DNAH11: variants seen among roughly 807,000 people sequenced by gnomAD.
DNAH11 encodes dynein axonemal heavy chain 11, also known as axonemal beta dynein heavy chain 11.
DNAH11 carries 442 observed loss-of-function variants against 526.0 expected under a neutral mutation model. That is an observed-to-expected ratio of 0.84 (90% CI 0.78 to 0.91). DNAH11 has a LOEUF of 0.91. Among genes scored for constraint, DNAH11 ranks in the 40% least tolerant of loss-of-function variants. The pLI, the probability that DNAH11 is intolerant of heterozygous loss-of-function variation, is 0.00. For missense variants in DNAH11, 6,989 were observed against 5,448.7 expected, an observed-to-expected ratio of 1.28 and a Z score of -8.90; for synonymous variants, 2,461 against 1,935.9, an observed-to-expected ratio of 1.27 and a Z score of -7.12.
In DNAH11 at chr7:21,619,256, G is replaced by T. The variant is rs113815956; in HGVS notation, c.4377+34G>T. On this transcript the variant is annotated intron_variant, in intron 24 of 81. Transcript: ENST00000409508. ...CTCGGGACTGGGTCATTTCTACTTG[G>T]CTAATTTTGGGTATTTGCATAGAAG... 8,778 of 1,595,094 alleles carry T rather than the reference G, an allele frequency of 5.5e-3. 371 individuals are homozygous for T. In the African/African-American group the frequency reaches 0.096, roughly 17 times the overall value.
intron 25 of DNAH11, among the ~76,000 whole-genome samples, chr7:21,623,907 T>C (rs1786202100): frequency 6.6e-6 from 1 of 151,638 alleles, no homozygotes; most frequent in Non-Finnish European, 1.5e-5. Context: ...ATGGCACATG[T>C]ATACATATGT....
At chr7:21,549,810 A>G (rs1193952326) in intron 2 of DNAH11, among the ~76,000 whole-genome samples, 1 of 152,216 alleles carries the variant, frequency 6.6e-6, no homozygotes, top group Non-Finnish European at 1.5e-5. Flanking sequence ...ATATTCTACT[A>G]TAACCTGTAT....
chr7:21,827,947 T>A (rs909450711), intron 65 of DNAH11, among the ~76,000 whole-genome samples: 11 of 151,812 alleles, frequency 7.2e-5, no homozygotes, highest in Admixed American at 7.2e-4. Context: ...ATTTTTTTTT[T>A]AATTTTTTTT....
At chr7:21,889,675 C>T (rs1324597631) in intron 76 of DNAH11, among the ~76,000 whole-genome samples, 1 of 152,160 alleles carries the variant, frequency 6.6e-6, no homozygotes, top group Non-Finnish European at 1.5e-5. Flanking sequence ...TTCATGTTCT[C>T]ATTGGCCATT....
intron 42 of DNAH11, among the ~76,000 whole-genome samples, chr7:21,716,711 G>T (rs777163746): frequency 5.9e-5 from 9 of 152,060 alleles, no homozygotes; most frequent in Non-Finnish European, 1.2e-4. Flanking sequence ...ATTGTTCCGC[G>T]GTTCCCACTG....
At chr7:21,701,917 T>G (rs574905477) in intron 36 of DNAH11, among the ~76,000 whole-genome samples, 2 of 151,298 alleles carry the variant, frequency 1.3e-5, no homozygotes. Flanking sequence ...CTGTGTGGGT[T>G]GTAGCTGGAC....
intron 2 of DNAH11, among the ~76,000 whole-genome samples, chr7:21,554,009 A>G (rs894302530): frequency 1.4e-4 from 21 of 151,884 alleles, no homozygotes; most frequent in Non-Finnish European, 2.9e-4. Context: ...GTATTTTCTT[A>G]ACTAGTCTCT....
At chr7:21,765,838 G>T (rs1053252201) in intron 55 of DNAH11, among the ~76,000 whole-genome samples, 1 of 152,154 alleles carries the variant, frequency 6.6e-6, no homozygotes, top group South Asian at 2.1e-4. Context: ...ACACGGGCAC[G>T]CACACAGCAC....
chr7:21,840,206 A>T (rs1437386105), intron 65 of DNAH11, among the ~76,000 whole-genome samples: 3 of 152,208 alleles, frequency 2.0e-5, no homozygotes, highest in Non-Finnish European at 4.4e-5. Flanking sequence ...CATTTCGATA[A>T]AAAGGAGCCC....
chr7:21,763,339 C>CAAAA (rs1243002469), intron 54 of DNAH11, among the ~76,000 whole-genome samples: 5 of 10,656 alleles, frequency 4.7e-4, no homozygotes, highest in South Asian at 2.9e-3. Flanking sequence ...AAGACTGTCT[C>CAAAA]AAAAAAAAAA....
chr7:21,589,742 A>G (rs545751477), intron 12 of DNAH11, among the ~76,000 whole-genome samples: 13 of 152,272 alleles, frequency 8.5e-5, no homozygotes, highest in Admixed American at 3.3e-4. Flanking sequence ...GCTCAACTGA[A>G]TTGAATCATT....
At position 21,655,836 on chromosome 7, in the gene DNAH11, CAT is replaced by C. The variant is rs1583567611; in HGVS notation, c.4950_4951del (p.Cys1651SerfsTer15). 6.2e-7 allele frequency: 1 copy of C among 1,612,410 alleles called. No homozygotes were observed. The highest frequency in any genetic ancestry group is 1.3e-5 in the African/African-American group (1 of 74,956). On this transcript the variant is annotated frameshift_variant, in exon 29 of 82. Coordinates refer to ENST00000409508, the MANE Select transcript of DNAH11 (RefSeq NM_001277115.2). LOFTEE classifies it high-confidence loss of function. ...TTTCTAATATTCTCATTTTAGGTAA[CAT>C]GTCACCTTGCCAAACTTTTCGACAG...
chr7:21,867,979 A>C lies in DNAH11; in HGVS notation c.11811A>C (p.Val3937=), dbSNP rs1288573843. ...TPIFFILSPG[V]DALKDLEILG... ...TATTCTTCATCCTGTCTCCGGGGGTAGATGCCCTTAAAGACCTGGAGATTC... is the reference window on the plus strand; with the variant it reads ...TATTCTTCATCCTGTCTCCGGGGGTCGATGCCCTTAAAGACCTGGAGATTC... The change falls in exon 72 of 82, where the codon GTA becomes GTC. Residue 3937 remains valine (V), a synonymous_variant. Coordinates refer to ENST00000409508, the MANE Select transcript of DNAH11 (RefSeq NM_001277115.2). The C allele has an allele frequency of 3.2e-6, 5 of 1,558,648 alleles. No individual in the cohort carries two copies. The highest frequency in any genetic ancestry group is 4.3e-6 in the Non-Finnish European group (5 of 1,150,394).
intron 58 of DNAH11, among the ~76,000 whole-genome samples, chr7:21,784,956 A>G (rs374724540): frequency 5.9e-5 from 9 of 152,294 alleles, no homozygotes; most frequent in African/African-American, 1.4e-4. Context: ...GGAAAGAACA[A>G]TGGGAGCAAA....
chr7:21,717,655 C>G, intron 42 of DNAH11, 120 bp from the exon 43 acceptor site: 2 of 1,193,048 alleles, frequency 1.7e-6, no homozygotes. Flanking sequence ...AGAACGAACT[C>G]ACTAAACGTG....
intron 40 of DNAH11, among the ~76,000 whole-genome samples, chr7:21,709,114 G>A (rs946734450): frequency 6.6e-6 from 1 of 152,142 alleles, no homozygotes; most frequent in East Asian, 1.9e-4. Flanking sequence ...CTACCAAAAA[G>A]ACACATTCAC....
chr7:21,786,538 C>G lies in DNAH11; in HGVS notation c.9598-86C>G, dbSNP rs1008608916. 8 of 1,485,418 alleles carry G rather than the reference C, an allele frequency of 5.4e-6. No homozygotes were observed. The African/African-American group carries it at 9.8e-5, about 18-fold the overall frequency. 92.0% of individuals were successfully genotyped at this position (1,485,418 alleles called of 1,614,324 possible). ...TTTGATAAGGAGAAGTGGGAGTCCA[C>G]TAAAGCCTTGCTTGGCAACTTACAG... On this transcript the variant is annotated intron_variant, in intron 58 of 81. Coordinates refer to ENST00000409508, the MANE Select transcript of DNAH11 (RefSeq NM_001277115.2).
chr7:21,567,140 A>G (rs1334618732), intron 6 of DNAH11, among the ~76,000 whole-genome samples: 1 of 152,176 alleles, frequency 6.6e-6, no homozygotes, highest in African/African-American at 2.4e-5. Flanking sequence ...TGTTATTATC[A>G]ATGTGTAAAA....
chr7:21,636,823 G>A (rs546108543), intron 26 of DNAH11, among the ~76,000 whole-genome samples: 30 of 152,250 alleles, frequency 2.0e-4, no homozygotes, highest in African/African-American at 6.7e-4. Flanking sequence ...ACCATAGATT[G>A]CCGACCTTTG....
Sources: allele counts gnomAD v4.1 joint callset (sites outside exome capture counted in the v4.1 genomes callset), GRCh38; gene constraint gnomAD v4.1.1; transcripts MANE v1.5; gene names NCBI Gene and HGNC (gene_info 2026-07-23, HGNC 2026-07-21).